The following EPB41L4A variants were observed in gnomAD, a reference collection of about 807,000 sequenced individuals.
The protein encoded by EPB41L4A is band 4.1-like protein 4A.
In EPB41L4A, 100 loss-of-function variants were observed where a neutral mutation model predicts 108.6. The ratio of observed to expected loss-of-function variants is 0.92; its 90% CI spans 0.78 to 1.09. The LOEUF is 1.09. Ranked by LOEUF, EPB41L4A falls within the 50% of genes least tolerant of loss-of-function variation. The pLI is 0.00. For missense variants in EPB41L4A, 1,030 were observed against 842.7 expected (o/e 1.22, Z -2.75); for synonymous variants, 319 against 289.0 (o/e 1.10, Z -1.05).
chr5:112,327,359 T>A (rs1220255651), intron 1 of EPB41L4A, among the ~76,000 whole-genome samples: 3 of 152,220 alleles, frequency 2.0e-5, no homozygotes, highest in East Asian at 3.8e-4. Context: ...CCTTTAAGGA[T>A]GTAGCAATGT....
rs752374740 is a variant in EPB41L4A, at chr5:112,262,477, A to C, written c.642+17T>G. ...TCATCAGCTTAAAATATTTTGTGTT[A>C]ATTAAATGTTACTCACATAGACGGG... On this transcript the variant is annotated intron_variant, in intron 7 of 22. Coordinates refer to ENST00000261486, the MANE Select transcript of EPB41L4A (RefSeq NM_022140.5). 6.2e-7 allele frequency: 1 copy of C among 1,602,766 alleles called. No individual in the cohort carries two copies. Among genetic ancestry groups the C allele is most frequent in the South Asian group, 1.1e-5 (1 of 90,310 alleles).
At position 112,146,456 on chromosome 5, in the gene EPB41L4A, C is replaced by T. The variant is rs78952115; in HGVS notation, n.995-458G>A. Among the ~76,000 whole-genome samples, 538 of 152,332 alleles carry T rather than the reference C, an allele frequency of 3.5e-3. 6 individuals carry two copies. The highest frequency in any genetic ancestry group is 0.012 in the African/African-American group (499 of 41,560). ...CCCACAGGAGCAGAGGATCTTCCAA[C>T]GCTGTTTGCGCTCCCCAAAGACTCT... On this transcript the variant is annotated intron_variant and non_coding_transcript_variant, in intron 12 of 13. Coordinates refer to the EPB41L4A transcript ENST00000507810.
At chr5:112,362,405 C>T (rs1047894750) in intron 1 of EPB41L4A, among the ~76,000 whole-genome samples, 6 of 152,002 alleles carry the variant, frequency 3.9e-5, no homozygotes, top group African/African-American at 9.7e-5. Flanking sequence ...CTCAGCCTCC[C>T]GAGTAGCTGG....
At chr5:112,272,312 TG>T (rs1416740113) in intron 4 of EPB41L4A, among the ~76,000 whole-genome samples, 1 of 151,652 alleles carries the variant, frequency 6.6e-6, no homozygotes, top group African/African-American at 2.4e-5. Flanking sequence ...AGCTGATTTT[TG>T]TATTTTTTTA....
intron 9 of EPB41L4A, chr5:112,250,777 A>T (rs980307938): frequency 6.6e-6 from 1 of 152,180 alleles, no homozygotes; most frequent in African/African-American, 2.4e-5. Flanking sequence ...GAACAAGGTG[A>T]TTCCATGGTC....
intron 18 of EPB41L4A, 119 bp downstream of exon 18, chr5:112,183,897 A>G: frequency 7.9e-7 from 1 of 1,259,800 alleles, no homozygotes; most frequent in African/African-American, 1.5e-5. Flanking sequence ...GAAGGTAAAT[A>G]TGACAAATAA....
At chr5:112,303,442 G>A (rs151283946) in intron 2 of EPB41L4A, among the ~76,000 whole-genome samples, 9 of 152,314 alleles carry the variant, frequency 5.9e-5, no homozygotes, top group Non-Finnish European at 1.3e-4. Context: ...CACTAAATGT[G>A]TGGGCCTGAA....
rs530299151 is a variant in EPB41L4A, at chr5:112,342,612, G to A, written c.100-35122C>T. Among the ~76,000 whole-genome samples, 200 of 152,190 alleles carry A rather than the reference G, an allele frequency of 1.3e-3. 1 individual carries two copies. Among genetic ancestry groups the A allele is most frequent in the Middle Eastern group, 6.8e-3 (2 of 294 alleles). On this transcript the variant is annotated intron_variant, in intron 1 of 22. Coordinates refer to ENST00000261486, the MANE Select transcript of EPB41L4A (RefSeq NM_022140.5). ...AGCTGAGGGTCTATTGTTCCTAGTC[G>A]AGCAAGAGCAGTCAGCAGTCAGCAG...
chr5:112,375,467 C>A (rs1036120897), intron 1 of EPB41L4A, among the ~76,000 whole-genome samples: 3 of 151,330 alleles, frequency 2.0e-5, no homozygotes, highest in African/African-American at 4.9e-5. Flanking sequence ...AAAATCACAC[C>A]AAGAACCAGG....
intron 1 of EPB41L4A, among the ~76,000 whole-genome samples, chr5:112,344,263 T>C (rs1194280892): frequency 6.6e-6 from 1 of 152,250 alleles, no homozygotes; most frequent in African/African-American, 2.4e-5. Context: ...ACTAGTCATA[T>C]TTCAAGTACT....
chr5:112,327,337 C>T (rs1169657594), intron 1 of EPB41L4A, among the ~76,000 whole-genome samples: 7 of 152,120 alleles, frequency 4.6e-5, no homozygotes, highest in Non-Finnish European at 8.8e-5. Flanking sequence ...AAATAAATAT[C>T]CTCTAAAACT....
At chr5:112,168,146 T>A (rs1185237642) in intron 22 of EPB41L4A, among the ~76,000 whole-genome samples, 1 of 152,226 alleles carries the variant, frequency 6.6e-6, no homozygotes, top group Admixed American at 6.5e-5. Flanking sequence ...AAAAAATACA[T>A]CATGAGAGGC....
At chr5:112,363,225 TAGA>T (rs1290191631) in intron 1 of EPB41L4A, among the ~76,000 whole-genome samples, 25 of 152,250 alleles carry the variant, frequency 1.6e-4, no homozygotes, top group African/African-American at 5.8e-4. Context: ...AACTTTATTA[TAGA>T]AGAATTTTAT....
rs1762885377 is a variant in EPB41L4A, at chr5:112,418,880, C to A, written c.99+61G>T. 5 of 1,369,444 alleles carry A rather than the reference C, an allele frequency of 3.7e-6. No homozygotes were observed. In the Admixed American group the frequency reaches 8.7e-5, roughly 24 times the overall value. The allele number at this position is 1,369,444 out of a possible 1,614,324, so 84.8% of individuals were successfully genotyped here. On this transcript the variant is annotated intron_variant, in intron 1 of 22. Coordinates refer to ENST00000261486, the MANE Select transcript of EPB41L4A (RefSeq NM_022140.5). ...GACCCACCGGTGACAGCCCTCAAAG[C>A]GATGGACCCCCGCACCCGCCCTGCC... is the stretch of plus-strand genomic sequence containing the variant.
At chr5:112,270,289 C>T (rs1370285988) in intron 4 of EPB41L4A, among the ~76,000 whole-genome samples, 3 of 152,122 alleles carry the variant, frequency 2.0e-5, no homozygotes, top group Non-Finnish European at 4.4e-5. Context: ...ATTTTAGGTG[C>T]TAGCTGAATG....
At position 112,362,398 on chromosome 5, in the gene EPB41L4A, A is replaced by G. The variant is rs190449874; in HGVS notation, c.100-54908T>C. Among the ~76,000 whole-genome samples the G allele has an allele frequency of 1.7e-3, 255 of 151,436 alleles. 1 individual carries two copies. Among genetic ancestry groups the G allele is most frequent in the African/African-American group, 5.9e-3 (242 of 41,190 alleles). ...CACATTCGAGCGATTCTCCTGCCTC[A>G]GCCTCCCGAGTAGCTGGGATTACAG... On this transcript the variant is annotated intron_variant, in intron 1 of 22. Transcript: ENST00000261486.
At chr5:112,260,130 T>C in intron 7 of EPB41L4A, 151 bp from the exon 8 acceptor site, 1 of 614,864 alleles carries the variant, frequency 1.6e-6, no homozygotes, top group Non-Finnish European at 2.8e-6. Flanking sequence ...ACTATGATAG[T>C]AGCTAACTTG....
At chr5:112,311,380 C>T (rs2150589800) in intron 1 of EPB41L4A, among the ~76,000 whole-genome samples, 1 of 152,120 alleles carries the variant, frequency 6.6e-6, no homozygotes, top group South Asian at 2.1e-4. Flanking sequence ...GTACATCAAG[C>T]AAGGATTCCT....
At chr5:112,377,201 T>C (rs1403819644) in intron 1 of EPB41L4A, among the ~76,000 whole-genome samples, 1 of 149,808 alleles carries the variant, frequency 6.7e-6, no homozygotes, top group African/African-American at 2.5e-5. Flanking sequence ...CAAGATACTG[T>C]TGTCTGTTTG....
Sources: allele counts gnomAD v4.1 joint callset (sites outside exome capture counted in the v4.1 genomes callset), GRCh38; gene constraint gnomAD v4.1.1; transcripts MANE v1.5; gene names NCBI Gene and HGNC (gene_info 2026-07-23, HGNC 2026-07-21).